Variants in TECRL observed in about 807,000 individuals in gnomAD.
The protein encoded by TECRL is trans-2,3-enoyl-CoA reductase-like.
Under a neutral mutation model 52.8 loss-of-function variants are expected in TECRL, and 63 were observed. The observed-to-expected ratio is 1.19, with a 90% CI of 0.97 to 1.47. The LOEUF (loss-of-function observed/expected upper bound fraction) is 1.47, where lower values mean the gene tolerates loss of function less well. Among genes scored for constraint, TECRL ranks in the 40% most tolerant of loss-of-function variants. The pLI is 0.00. For missense variants in TECRL, 482 were observed against 429.6 expected, an observed-to-expected ratio of 1.12 and a Z score of -1.08; for synonymous variants, 164 against 141.9, an observed-to-expected ratio of 1.16 and a Z score of -1.10.
intron 3 of TECRL, 25 bp from the exon 4 acceptor site, chr4:64,322,817 T>A (rs766321784): frequency 4.5e-5 from 68 of 1,512,466 alleles, no homozygotes; most frequent in Non-Finnish European, 6.0e-5. Flanking sequence ...ACAAGAAAAT[T>A]TTATTTTAAT....
intron 2 of TECRL, among the ~76,000 whole-genome samples, chr4:64,333,175 A>G (rs1427251335): frequency 6.6e-6 from 1 of 152,090 alleles, no homozygotes; most frequent in Non-Finnish European, 1.5e-5. Context: ...TATTTTTAAA[A>G]AACAGATTAA....
chr4:64,359,580 T>G (rs2109607607), intron 2 of TECRL, among the ~76,000 whole-genome samples: 1 of 151,772 alleles, frequency 6.6e-6, no homozygotes, highest in East Asian at 1.9e-4. Context: ...TGAATCAAAA[T>G]AACATTGACA....
chr4:64,308,140 C>T (rs1004702406), intron 6 of TECRL, among the ~76,000 whole-genome samples: 1 of 152,058 alleles, frequency 6.6e-6, no homozygotes, highest in Non-Finnish European at 1.5e-5. Context: ...TAGGTAGGGG[C>T]TGATTAGGCA....
rs1249357787 is a variant in TECRL, at chr4:64,305,150, A to G, written c.730+16T>C. 1 of 1,595,700 alleles carries G rather than the reference A, an allele frequency of 6.3e-7. No homozygotes were observed. Among genetic ancestry groups the G allele is most frequent in the African/African-American group, 1.3e-5 (1 of 74,346 alleles). On this transcript the variant is annotated intron_variant, in intron 7 of 11. Transcript: ENST00000381210. The stretch of plus-strand genomic sequence containing the variant: ...GTCCTTTAGTATACGGTTAGTTAAG[A>G]AGAAACCCTACATACATGGTGGTGT...
chr4:64,310,629 G>T (rs1369163471), intron 5 of TECRL, among the ~76,000 whole-genome samples: 1 of 152,054 alleles, frequency 6.6e-6, no homozygotes, highest in Non-Finnish European at 1.5e-5. Flanking sequence ...TTTTCATGAA[G>T]ATTTGTACCT....
At chr4:64,402,292 T>C (rs1179575674) in intron 1 of TECRL, among the ~76,000 whole-genome samples, 2 of 152,092 alleles carry the variant, frequency 1.3e-5, no homozygotes, top group Admixed American at 1.3e-4. Context: ...TATTTTGTCA[T>C]GGACTGATAC....
chr4:64,304,735 G>T (rs1724227514), intron 7 of TECRL, among the ~76,000 whole-genome samples: 1 of 152,040 alleles, frequency 6.6e-6, no homozygotes, highest in South Asian at 2.1e-4. Flanking sequence ...TGATATTTTA[G>T]TAAATCAAAT....
intron 1 of TECRL, among the ~76,000 whole-genome samples, chr4:64,381,968 T>C (rs976351113): frequency 6.6e-6 from 1 of 151,802 alleles, no homozygotes; most frequent in Non-Finnish European, 1.5e-5. Context: ...TTATGAAGAA[T>C]TCCTTTCTTT....
intron 4 of TECRL, among the ~76,000 whole-genome samples, chr4:64,315,054 T>C (rs1048535736): frequency 1.3e-5 from 2 of 152,174 alleles, no homozygotes; most frequent in African/African-American, 4.8e-5. Context: ...ATTATTAATA[T>C]ATTTTTCTGT....
At chr4:64,342,576 T>G (rs1719664515) in intron 2 of TECRL, among the ~76,000 whole-genome samples, 1 of 152,088 alleles carries the variant, frequency 6.6e-6, no homozygotes, top group African/African-American at 2.4e-5. Context: ...TCTGTCCACA[T>G]TCACTGTGTT....
intron 1 of TECRL, among the ~76,000 whole-genome samples, chr4:64,382,807 T>C (rs376571537): frequency 1.2e-3 from 180 of 152,236 alleles, no homozygotes; most frequent in African/African-American, 4.1e-3. Flanking sequence ...CTTACTATCA[T>C]TGCAGTTTGG....
intron 2 of TECRL, among the ~76,000 whole-genome samples, chr4:64,357,111 CAT>C (rs1720828879): frequency 6.6e-6 from 1 of 151,972 alleles, no homozygotes; most frequent in Non-Finnish European, 1.5e-5. Flanking sequence ...TATATAATGC[CAT>C]ATAATATCAC....
At chr4:64,290,556 A>G (rs906437635) in intron 8 of TECRL, among the ~76,000 whole-genome samples, 17 of 152,154 alleles carry the variant, frequency 1.1e-4, no homozygotes, top group African/African-American at 4.1e-4. Context: ...TTGAGCACCC[A>G]TTAAACTCAG....
chr4:64,353,077 A>G (rs961015212), intron 2 of TECRL, among the ~76,000 whole-genome samples: 1 of 152,164 alleles, frequency 6.6e-6, no homozygotes, highest in Non-Finnish European at 1.5e-5. Flanking sequence ...TATTTTTCTA[A>G]TGATGAGCCA....
rs185639621 is a variant in TECRL at position 64,349,202 on chromosome 4, G to A, written c.287-20646C>T. On this transcript the variant is annotated intron_variant, in intron 2 of 11. Transcript: ENST00000381210. The stretch of plus-strand genomic sequence containing the variant: ...GGCTGTAGTGCAATGGAATGATATC[G>A]GCTCACCACAACCTCTGCCTCCTGG... Among the ~76,000 whole-genome samples the A allele has an allele frequency of 8.5e-5, 9 of 105,950 alleles. No individual in the cohort carries two copies. The East Asian group carries it at 8.6e-4, about 10-fold the overall frequency. The allele number at this position is 105,950 out of a possible 152,430, so 69.5% of individuals were successfully genotyped here. A position where few individuals can be genotyped will look rare whatever the true frequency, so the allele number is the denominator to read the frequency against.
At chr4:64,300,338 C>A (rs907103379) in intron 7 of TECRL, among the ~76,000 whole-genome samples, 1 of 150,530 alleles carries the variant, frequency 6.6e-6, no homozygotes, top group African/African-American at 2.4e-5. Context: ...CATATAATGG[C>A]ACCACAAAAT....
At chr4:64,339,693 G>T (rs990875081) in intron 2 of TECRL, among the ~76,000 whole-genome samples, 6 of 151,888 alleles carry the variant, frequency 4.0e-5, no homozygotes, top group African/African-American at 1.5e-4. Context: ...AAGATTCTCT[G>T]CTCTGCAACT....
In TECRL at chr4:64,279,754, ATT is replaced by A. The variant is rs11303004; in HGVS notation, c.*316_*317del. 1.7e-3 allele frequency: 1,400 copies of A among 841,028 alleles called. No individual in the cohort carries two copies. The highest frequency in any genetic ancestry group is 2.0e-3 in the South Asian group (36 of 18,354). The allele number at this position is 841,028 out of a possible 1,614,324, so 52.1% of individuals were successfully genotyped here. On this transcript the variant is annotated 3_prime_UTR_variant, in exon 12 of 12. Transcript: ENST00000381210. ...GATCGCTTTTTCATTTGTTAATCAG[ATT>A]TTTTTTTTTGCTGTGGTATTTTGTC... is the stretch of plus-strand genomic sequence containing the variant.
intron 2 of TECRL, among the ~76,000 whole-genome samples, chr4:64,342,455 G>A (rs12108251): frequency 3.4e-5 from 4 of 116,408 alleles, no homozygotes; most frequent in African/African-American, 1.2e-4. Context: ...GTGTGTATGT[G>A]TGTGTGTTTA....
Sources: allele counts gnomAD v4.1 joint callset (sites outside exome capture counted in the v4.1 genomes callset), GRCh38; gene constraint gnomAD v4.1.1; transcripts MANE v1.5; gene names NCBI Gene and HGNC (gene_info 2026-07-23, HGNC 2026-07-21).